Variants in TTC27 observed in about 807,000 individuals in gnomAD.
The protein encoded by TTC27 is tetratricopeptide repeat domain 27.
TTC27 carries 79 observed loss-of-function variants against 115.9 expected under a neutral mutation model. That is an observed-to-expected ratio of 0.68 (90% confidence interval 0.57 to 0.82). TTC27 has a LOEUF of 0.82. Among genes scored for constraint, TTC27 ranks in the 40% least tolerant of loss-of-function variants. TTC27 has a pLI of 0.00. For synonymous variants in TTC27, 401 were observed against 356.0 expected (o/e 1.13, Z -1.42); for missense variants, 1,054 against 993.1 (o/e 1.06, Z -0.82).
At chr2:32,678,807 C>A in intron 8 of TTC27, 49 bp from the exon 9 acceptor site, 1 of 1,362,670 alleles carries the variant, frequency 7.3e-7, no homozygotes, top group Non-Finnish European at 1.0e-6. Context: ...ATTTCATTAG[C>A]TACAACATGC....
intron 2 of TTC27, among the ~76,000 whole-genome samples, chr2:32,632,220 A>G (rs1664247598): frequency 7.1e-6 from 1 of 141,692 alleles, no homozygotes; most frequent in Admixed American, 7.4e-5. Flanking sequence ...TATGTTGCTC[A>G]GGCTGGTCTC....
At chr2:32,744,863 C>T (rs1668763603) in intron 12 of TTC27, among the ~76,000 whole-genome samples, 1 of 151,972 alleles carries the variant, frequency 6.6e-6, no homozygotes, top group Non-Finnish European at 1.5e-5. Flanking sequence ...AGCCCGCCAG[C>T]CTGGTGAAAC....
At chr2:32,681,978 ATATGTGTG>A (rs371698403) in intron 9 of TTC27, among the ~76,000 whole-genome samples, 28,653 of 137,698 alleles carry the variant, frequency 0.21, 2,997 homozygotes, top group Non-Finnish European at 0.24. Context: ...ATATGTATAT[ATATGTGTG>A]TGTGTGTGTG....
At chr2:32,629,891 A>ATG (rs145680674) in intron 1 of TTC27, among the ~76,000 whole-genome samples, 128 of 151,828 alleles carry the variant, frequency 8.4e-4, no homozygotes, top group Non-Finnish European at 1.6e-3. Context: ...CTCTGTGTGT[A>ATG]TGTGTGTGTG....
At chr2:32,723,720 C>T (rs1247141931) in intron 10 of TTC27, among the ~76,000 whole-genome samples, 2 of 34,788 alleles carry the variant, frequency 5.7e-5, no homozygotes, top group Non-Finnish European at 1.3e-4. Flanking sequence ...CCCTCCCTCC[C>T]TCCCTCCCTC....
At position 32,803,086 on chromosome 2, in the gene TTC27, A is replaced by T. The variant is rs547100143; in HGVS notation, c.1999-7938A>T. Among the ~76,000 whole-genome samples the T allele has an allele frequency of 1.5e-3, 225 of 152,322 alleles. 1 individual carries two copies. Among genetic ancestry groups the T allele is most frequent in the Non-Finnish European group, 4.7e-4 (32 of 68,012 alleles). ...GACCTTCCTGGTGAGGCTGGGCCACAGGGGGAGCTCACCCATTGGATACAC... is the reference window on the plus strand; with the variant it reads ...GACCTTCCTGGTGAGGCTGGGCCACTGGGGGAGCTCACCCATTGGATACAC... On this transcript the variant is annotated intron_variant, in intron 16 of 19. Transcript: ENST00000317907.
At position 32,747,169 on chromosome 2, in the gene TTC27, G is replaced by A. The variant is rs77128626; in HGVS notation, c.1452+10353G>A. ...TGTTCCTCATTCTTAAAAGAGTTGC[G>A]GTGGGTGGGAGTTGGTGGAGGAAAT... On this transcript the variant is annotated intron_variant, in intron 12 of 19. Transcript: ENST00000317907. Among the ~76,000 whole-genome samples the A allele has an allele frequency of 3.1e-3, 478 of 152,210 alleles. 1 individual carries two copies. The highest frequency in any genetic ancestry group is 0.011 in the African/African-American group (453 of 41,532).
Position 32,721,334 on chromosome 2 carries a change from T to A in TTC27, c.1234-12494T>A, listed in dbSNP as rs183413464. Among the ~76,000 whole-genome samples the A allele has an allele frequency of 9.2e-5, 14 of 152,304 alleles. No homozygotes were observed. In the East Asian group the frequency reaches 2.3e-3, roughly 25 times the overall value. On this transcript the variant is annotated intron_variant, in intron 10 of 19. Transcript: ENST00000317907. ...GCCATAGAAAAGGAAATAAATTGGC[T>A]ATTATAACTGAGAGTTCTAGGGATA...
At chr2:32,751,878 A>G (rs1213059972) in intron 12 of TTC27, among the ~76,000 whole-genome samples, 3 of 152,216 alleles carry the variant, frequency 2.0e-5, no homozygotes, top group African/African-American at 7.2e-5. Flanking sequence ...ATGTCTTATC[A>G]TGGAGACTCA....
chr2:32,629,543 T>G (rs1162750279), intron 1 of TTC27, among the ~76,000 whole-genome samples: 1 of 152,090 alleles, frequency 6.6e-6, no homozygotes, highest in African/African-American at 2.4e-5. Flanking sequence ...CACGCCATTC[T>G]CCTGCCTCAG....
intron 4 of TTC27, among the ~76,000 whole-genome samples, chr2:32,641,011 A>G (rs549979226): frequency 1.3e-5 from 2 of 152,130 alleles, no homozygotes; most frequent in South Asian, 2.1e-4. Context: ...AACAACAACA[A>G]CAAAAACAAA....
chr2:32,776,515 G>A (rs1670001808), intron 13 of TTC27, among the ~76,000 whole-genome samples: 1 of 152,142 alleles, frequency 6.6e-6, no homozygotes, highest in East Asian at 1.9e-4. Flanking sequence ...TGCTTATAAA[G>A]TTGCCTTTGC....
rs1000718914 is a variant in TTC27, at chr2:32,633,944, C to T, written c.335C>T (p.Pro112Leu). Residue 112 changes from proline to leucine, a missense_variant, in exon 3 of 20, where the codon CCC (proline) becomes CTC (leucine). Coordinates refer to ENST00000317907, the MANE Select transcript of TTC27 (RefSeq NM_017735.5). ...QLFVQSNWTG[P>L]PVDLHPQDFL... is the part of the protein sequence containing the mutation. ...TTTGTTCAGAGCAACTGGACGGGGCCCCCTGTTGACTTACACCCTCAGGAC... is the reference window on the plus strand; with the variant it reads ...TTTGTTCAGAGCAACTGGACGGGGCTCCCTGTTGACTTACACCCTCAGGAC... 11 of 1,613,924 alleles carry T rather than the reference C, an allele frequency of 6.8e-6. No homozygotes were observed. In the South Asian group the frequency reaches 9.9e-5, roughly 15 times the overall value.
At chr2:32,695,299 G>T (rs1401741769) in intron 9 of TTC27, among the ~76,000 whole-genome samples, 6 of 151,982 alleles carry the variant, frequency 3.9e-5, no homozygotes, top group Non-Finnish European at 8.8e-5. Flanking sequence ...TTTTTCTTTT[G>T]TAGGCCAGGT....
chr2:32,712,638 A>T lies in TTC27; in HGVS notation c.1233+9718A>T, dbSNP rs568177601. Among the ~76,000 whole-genome samples, 22 of 151,176 alleles carry T rather than the reference A, an allele frequency of 1.5e-4. No homozygotes were observed. In the South Asian group the frequency reaches 4.4e-3, roughly 30 times the overall value. Reference sequence around the variant, plus strand: ...GCAATGGCATGATCTCGGGACTGCGATCTCCACCTCCTGGGCTCACCTGTT... The same window carrying T: ...GCAATGGCATGATCTCGGGACTGCGTTCTCCACCTCCTGGGCTCACCTGTT... On this transcript the variant is annotated intron_variant, in intron 10 of 19. Transcript: ENST00000317907.
Position 32,796,963 on chromosome 2 carries a change from A to C in TTC27, c.1998+9814A>C, listed in dbSNP as rs1572622713. Among the ~76,000 whole-genome samples, 3 of 152,040 alleles carry C rather than the reference A, an allele frequency of 2.0e-5. 1 individual carries two copies. The highest frequency in any genetic ancestry group is 2.0e-4 in the Admixed American group (3 of 15,272). On this transcript the variant is annotated intron_variant, in intron 16 of 19. Transcript: ENST00000317907. ...TGAGGTGGGCAGATCACCTGAGGTC[A>C]GGACTTCGAGACCAGCCTGGCCAAC...
chr2:32,672,839 A>T lies in TTC27; in HGVS notation c.1052+455A>T, dbSNP rs148088700. Reference sequence around the variant, plus strand: ...CAGGACAATACATATAACTTCTAAGAATAAGTTTCCAAGATGATGCTGTAT... The same window carrying T: ...CAGGACAATACATATAACTTCTAAGTATAAGTTTCCAAGATGATGCTGTAT... On this transcript the variant is annotated intron_variant, in intron 8 of 19. Transcript: ENST00000317907. 4.2e-3 allele frequency among the ~76,000 whole-genome samples: 635 copies of T among 152,322 alleles called. 4 individuals carry two copies. Among genetic ancestry groups the T allele is most frequent in the African/African-American group, 0.013 (561 of 41,578 alleles).
intron 9 of TTC27, among the ~76,000 whole-genome samples, chr2:32,684,450 A>C (rs1666561278): frequency 6.6e-6 from 1 of 152,106 alleles, no homozygotes; most frequent in African/African-American, 2.4e-5. Flanking sequence ...GTTTCAAAAA[A>C]AAAAAAGTTT....
At chr2:32,735,444 AT>A (rs1014094622) in intron 11 of TTC27, among the ~76,000 whole-genome samples, 12 of 152,320 alleles carry the variant, frequency 7.9e-5, no homozygotes, top group African/African-American at 2.6e-4. Flanking sequence ...GAACAGAAAC[AT>A]TAGGAAACAA....
Sources: allele counts gnomAD v4.1 joint callset (sites outside exome capture counted in the v4.1 genomes callset), GRCh38; gene constraint gnomAD v4.1.1; transcripts MANE v1.5; gene names NCBI Gene and HGNC (gene_info 2026-07-23, HGNC 2026-07-21).